The following TOP1MT variants were observed in gnomAD, a reference collection of about 807,000 sequenced individuals.
The protein encoded by TOP1MT is DNA topoisomerase I mitochondrial.
Under a neutral mutation model 73.9 loss-of-function variants are expected in TOP1MT, and 80 were observed. That is an observed-to-expected ratio of 1.08 (90% CI 0.90 to 1.30). TOP1MT has a LOEUF of 1.30. Among genes scored for constraint, TOP1MT ranks in the 50% most tolerant of loss-of-function variants. The pLI is 0.00. For synonymous variants in TOP1MT, 338 were observed against 326.4 expected, an observed-to-expected ratio of 1.04 and a Z score of -0.38; for missense variants, 815 against 808.0, an observed-to-expected ratio of 1.01 and a Z score of -0.10.
At chr8:143,324,717 C>A (rs79578132) in intron 5 of TOP1MT, 88 bp from the exon 6 acceptor site, 2 of 1,493,514 alleles carry the variant, frequency 1.3e-6, no homozygotes, top group Admixed American at 4.1e-5. Context: ...AACCGTCCCA[C>A]GTGGTGGCTA....
chr8:143,322,375 C>T (rs1401383456), intron 7 of TOP1MT, among the ~76,000 whole-genome samples: 14 of 97,666 alleles, frequency 1.4e-4, no homozygotes, highest in East Asian at 4.9e-4. Context: ...CACACAGGCA[C>T]GCCACACACG....
intron 1 of TOP1MT, among the ~76,000 whole-genome samples, chr8:143,354,948 C>T (rs1817383109): frequency 6.6e-6 from 1 of 152,164 alleles, no homozygotes; most frequent in African/African-American, 2.4e-5. Flanking sequence ...AAAACAGTCA[C>T]GCAATTTTGT....
upstream of TOP1MT, among the ~76,000 whole-genome samples, chr8:143,338,096 T>C (rs566821838): frequency 1.3e-5 from 2 of 152,272 alleles, no homozygotes; most frequent in East Asian, 3.9e-4. Context: ...TAAAACCTCT[T>C]ATTCCCTAAA....
chr8:143,332,773 C>A, intron 1 of TOP1MT: 3 of 363,138 alleles, frequency 8.3e-6, no homozygotes, highest in South Asian at 2.0e-5. Flanking sequence ...TGGCTCACGC[C>A]TGTGATCCCA....
At chr8:143,315,579 ATC>A (rs1816135299) in intron 12 of TOP1MT, 146 bp downstream of exon 12, 2 of 633,992 alleles carry the variant, frequency 3.2e-6, no homozygotes, top group Non-Finnish European at 5.5e-6. Context: ...CCTTTCTTTT[ATC>A]TCTTTGTCTT....
At chr8:143,317,089 G>A (rs529688589) in intron 10 of TOP1MT, among the ~76,000 whole-genome samples, 31 of 152,328 alleles carry the variant, frequency 2.0e-4, no homozygotes, top group African/African-American at 7.0e-4. Flanking sequence ...ACCCAGCCTC[G>A]GCGCCTCCTC....
At chr8:143,323,617 GGCACGCCACACACGCACGCCACAC>G (rs1563761478) in intron 7 of TOP1MT, among the ~76,000 whole-genome samples, 1 of 17,496 alleles carries the variant, frequency 5.7e-5, no homozygotes, top group African/African-American at 1.9e-4. Flanking sequence ...CACACACACA[GGCACGCCACACACGCACGCCACAC>G]GCACGCCACA....
rs747330043 is a variant in TOP1MT at position 143,322,516 on chromosome 8, CACA to C, written c.961-1133_961-1131del. Among the ~76,000 whole-genome samples, 27 of 66,406 alleles carry C rather than the reference CACA, an allele frequency of 4.1e-4. No individual in the cohort carries two copies. The East Asian group carries it at 4.2e-3, about 10-fold the overall frequency. 43.6% of individuals were successfully genotyped at this position (66,406 alleles called of 152,430 possible). A position where few individuals can be genotyped will look rare whatever the true frequency, so the allele number is the denominator to read the frequency against. On this transcript the variant is annotated intron_variant, in intron 7 of 13. Transcript: ENST00000329245. ...GCACGCCACACACACAGGCACGCCA[CACA>C]ACAGGCACGCCAAAGATGCACGCCA...
upstream of TOP1MT, among the ~76,000 whole-genome samples, chr8:143,356,785 CAAAAAAAAA>C (rs1161995816): frequency 3.9e-5 from 1 of 25,954 alleles, no homozygotes; most frequent in African/African-American, 2.0e-4. Flanking sequence ...GACTCTGTCT[CAAAAAAAAA>C]AAAAAAAAAA....
intron 12 of TOP1MT, among the ~76,000 whole-genome samples, chr8:143,311,017 T>C (rs561432173): frequency 4.8e-4 from 72 of 151,304 alleles, no homozygotes; most frequent in African/African-American, 1.6e-3. Context: ...GGAGTGCAGT[T>C]GCATGATCTC....
chr8:143,314,473 A>T (rs1330133707), intron 12 of TOP1MT, among the ~76,000 whole-genome samples: 14 of 152,014 alleles, frequency 9.2e-5, no homozygotes, highest in Admixed American at 9.2e-4. Flanking sequence ...GCGCACCTGT[A>T]ACCCCAGCTA....
upstream of TOP1MT, among the ~76,000 whole-genome samples, chr8:143,359,599 CAAGGGGGCCTG>C (rs1352786362): frequency 7.5e-6 from 1 of 132,968 alleles, no homozygotes; most frequent in African/African-American, 2.9e-5. Context: ...GGGAAGAGAA[CAAGGGGGCCTG>C]GAGGGGGGAC....
intron 7 of TOP1MT, among the ~76,000 whole-genome samples, chr8:143,323,318 GCACGCCACA>G (rs1816585106): frequency 3.3e-5 from 1 of 30,558 alleles, no homozygotes; most frequent in Admixed American, 4.3e-4. Flanking sequence ...CTCACCACAC[GCACGCCACA>G]CACATGCACG....
At chr8:143,358,363 C>T (rs1344642244), upstream of TOP1MT, among the ~76,000 whole-genome samples, 3 of 152,186 alleles carry the variant, frequency 2.0e-5, no homozygotes, top group Admixed American at 6.5e-5. Context: ...AGTGACATCA[C>T]GCCCCTCCCA....
intron 1 of TOP1MT, 108 bp downstream of exon 1, chr8:143,334,632 A>G: frequency 6.7e-7 from 1 of 1,486,452 alleles, no homozygotes. Context: ...CTTTTGGGAA[A>G]ACCGGAAGCA....
intron 2 of TOP1MT, among the ~76,000 whole-genome samples, chr8:143,330,738 C>T (rs1427630624): frequency 6.6e-6 from 1 of 152,172 alleles, no homozygotes; most frequent in African/African-American, 2.4e-5. Flanking sequence ...GGCTCAAGGG[C>T]AGGAGGGGTG....
chr8:143,331,105 A>C, intron 2 of TOP1MT, 119 bp downstream of exon 2: 6 of 715,924 alleles, frequency 8.4e-6, no homozygotes, highest in African/African-American at 1.8e-5. Context: ...AAGAGGGCAC[A>C]GAGCGCTCAT....
Position 143,324,583 on chromosome 8 carries a change from C to T in TOP1MT, c.718G>A (p.Val240Met), listed in dbSNP as rs370724693. ...CACGTGACGGTGTTATCGGAGCGCA[C>T]CTCCTTCCACTGGTGCCCCGCCGGC... ...EPPAGHQWKEVRSDNTVTWLA... is the reference protein window; with the variant it reads ...EPPAGHQWKEMRSDNTVTWLA... The change falls in exon 6 of 14, where the codon GTG (valine) becomes ATG (methionine). Residue 240 changes from valine (V) to methionine (M), a missense_variant. By Grantham distance (21) the Val-to-Met change is conservative (BLOSUM62 1). This residue lies in a region of TOP1MT where 751 missense variants were observed against 725.4 expected (regional missense o/e 1.04). Transcript: ENST00000329245. The T allele has an allele frequency of 3.7e-6, 6 of 1,613,640 alleles. No homozygotes were observed. In the Admixed American group the frequency reaches 6.7e-5, roughly 18 times the overall value.
intron 8 of TOP1MT, among the ~76,000 whole-genome samples, chr8:143,320,215 G>A (rs1416125729): frequency 6.6e-6 from 1 of 151,620 alleles, no homozygotes; most frequent in Non-Finnish European, 1.5e-5. Flanking sequence ...TGCAAGCTCC[G>A]CCTCCTGGGT....
Sources: gnomAD v4.1 joint callset for allele counts (sites outside exome capture counted in the v4.1 genomes callset) on GRCh38, gnomAD v4.1.1 for gene constraint, gnomAD v4.1.1 regional missense constraint, MANE v1.5 for transcripts, NCBI Gene and HGNC (gene_info 2026-07-23, HGNC 2026-07-21) for gene names.